Variants in MCC observed in about 807,000 individuals in gnomAD.
MCC encodes the protein MCC regulator of Wnt signaling pathway.
A neutral mutation model predicts 116.2 loss-of-function variants in MCC; 90 were observed. The ratio of observed to expected loss-of-function variants is 0.77; its 90% CI spans 0.65 to 0.92. The LOEUF is 0.92. Ranked by LOEUF, MCC falls within the 40% of genes least tolerant of loss-of-function variation. MCC has a pLI of 0.00. For missense variants in MCC, 1,516 were observed against 1,312.2 expected (o/e 1.16, Z -2.40); for synonymous variants, 578 against 510.5 (o/e 1.13, Z -1.78).
In MCC at chr5:113,325,030, G is replaced by A. The variant is rs76312255; in HGVS notation, c.627+15489C>T. On this transcript the variant is annotated intron_variant, in intron 3 of 18. Coordinates refer to ENST00000408903, the MANE Select transcript of MCC (RefSeq NM_001085377.2). The stretch of plus-strand genomic sequence containing the variant: ...AAAAAAAAAAATCTCAGTAAAGGCA[G>A]GGTCTCACTATGTTGCCCAGGCTGG... 5.8e-3 allele frequency among the ~76,000 whole-genome samples: 876 copies of A among 152,034 alleles called. 3 individuals are homozygous for A. Among genetic ancestry groups the A allele is most frequent in the Non-Finnish European group, 9.4e-3 (637 of 67,970 alleles).
intron 3 of MCC, among the ~76,000 whole-genome samples, chr5:113,196,926 A>G (rs1404790594): frequency 6.6e-6 from 1 of 152,188 alleles, no homozygotes; most frequent in East Asian, 1.9e-4. Flanking sequence ...AACCTCCACT[A>G]ATGGTCTTTG....
intron 1 of MCC, among the ~76,000 whole-genome samples, chr5:113,474,167 G>A (rs547809074): frequency 6.9e-4 from 105 of 152,250 alleles, no homozygotes; most frequent in Non-Finnish European, 1.1e-3. Flanking sequence ...TAAGAGTTGG[G>A]CACTGAGGTT....
chr5:113,206,432 G>A (rs896287796), intron 3 of MCC, among the ~76,000 whole-genome samples: 4 of 151,858 alleles, frequency 2.6e-5, no homozygotes, highest in African/African-American at 9.7e-5. Context: ...TAAATTTTTC[G>A]GGCCGGGCCC....
At chr5:113,113,783 G>T (rs1046256598) in intron 6 of MCC, among the ~76,000 whole-genome samples, 2 of 151,786 alleles carry the variant, frequency 1.3e-5, no homozygotes, top group East Asian at 3.9e-4. Context: ...AATGTCACAA[G>T]AGACAAAACA....
intron 9 of MCC, among the ~76,000 whole-genome samples, chr5:113,084,482 T>C (rs566955728): frequency 7.2e-5 from 11 of 152,338 alleles, no homozygotes; most frequent in African/African-American, 2.2e-4. Flanking sequence ...AGCACTCCAA[T>C]TGTGACCATC....
intron 5 of MCC, among the ~76,000 whole-genome samples, chr5:113,134,382 A>T (rs1440149703): frequency 6.6e-6 from 1 of 152,062 alleles, no homozygotes; most frequent in Non-Finnish European, 1.5e-5. Context: ...ATGACTGTAG[A>T]TGAGTAGATT....
intron 14 of MCC, among the ~76,000 whole-genome samples, chr5:113,063,308 A>G (rs1359368188): frequency 1.3e-5 from 2 of 152,220 alleles, no homozygotes; most frequent in African/African-American, 4.8e-5. Flanking sequence ...TCCCATCCAA[A>G]GAATGAAATG....
intron 5 of MCC, among the ~76,000 whole-genome samples, chr5:113,140,085 A>G (rs1471102705): frequency 1.3e-5 from 2 of 152,216 alleles, no homozygotes; most frequent in Non-Finnish European, 2.9e-5. Context: ...GTTTTATTAA[A>G]TGTAAATTAA....
chr5:113,186,801 C>A (rs1404744525), intron 3 of MCC, among the ~76,000 whole-genome samples: 4 of 152,100 alleles, frequency 2.6e-5, no homozygotes, highest in Admixed American at 2.6e-4. Flanking sequence ...TATTTCAGAG[C>A]AGTGGTTCTC....
chr5:113,407,272 C>A (rs753831636), intron 1 of MCC, among the ~76,000 whole-genome samples: 1 of 151,966 alleles, frequency 6.6e-6, no homozygotes, highest in Non-Finnish European at 1.5e-5. Flanking sequence ...CTCAAAGGAC[C>A]GACAGGAAAT....
chr5:113,226,603 T>C (rs17135463), intron 3 of MCC, among the ~76,000 whole-genome samples: 14,741 of 152,266 alleles, frequency 0.097, 1,182 homozygotes, highest in Admixed American at 0.25. Flanking sequence ...TTAACTACCA[T>C]TTTAGAAGAA....
At chr5:113,081,608 A>T (rs1561790907) in intron 11 of MCC, among the ~76,000 whole-genome samples, 2 of 152,200 alleles carry the variant, frequency 1.3e-5, no homozygotes, top group Non-Finnish European at 2.9e-5. Flanking sequence ...ATCTGACTTC[A>T]TTAAATTGCA....
chr5:113,327,561 A>AAAATATATATATATATATATAT (rs1480996383), intron 3 of MCC, among the ~76,000 whole-genome samples: 2 of 80,560 alleles, frequency 2.5e-5, no homozygotes, highest in African/African-American at 5.0e-5. Flanking sequence ...AAAAAAAAAA[A>AAAATATATATATATATATATAT]ATATATATAT....
intron 1 of MCC, among the ~76,000 whole-genome samples, chr5:113,470,805 T>C (rs1303422533): frequency 6.6e-6 from 1 of 151,860 alleles, no homozygotes; most frequent in Non-Finnish European, 1.5e-5. Flanking sequence ...TCCCTGTCAC[T>C]TTCAGGTATA....
At chr5:113,205,499 C>T (rs542123342) in intron 3 of MCC, among the ~76,000 whole-genome samples, 2 of 152,298 alleles carry the variant, frequency 1.3e-5, no homozygotes, top group South Asian at 2.1e-4. Context: ...CTCTTCTAGG[C>T]TGCATTTGTA....
rs949531513 is a variant in MCC at position 113,023,201 on chromosome 5, G to A, written c.*4101C>T. On this transcript the variant is annotated 3_prime_UTR_variant, in exon 19 of 19. Coordinates refer to ENST00000408903, the MANE Select transcript of MCC (RefSeq NM_001085377.2). ...GATGCTTCTGAAGGCCACAAGTTTG[G>A]AGCTTACTTTAACCTGACCTACATG... The A allele has an allele frequency of 2.6e-5, 4 of 152,218 alleles. No homozygotes were observed. The highest frequency in any genetic ancestry group is 9.7e-5 in the African/African-American group (4 of 41,444). The allele number at this position is 152,218 out of a possible 1,614,324, so 9.4% of individuals were successfully genotyped here.
chr5:113,294,075 G>C (rs1438567158), intron 3 of MCC, among the ~76,000 whole-genome samples: 1 of 152,174 alleles, frequency 6.6e-6, no homozygotes, highest in Non-Finnish European at 1.5e-5. Context: ...AACGCCTCGC[G>C]GCTTGGTGAG....
At chr5:113,129,193 G>T (rs1003186899) in intron 5 of MCC, among the ~76,000 whole-genome samples, 1 of 152,174 alleles carries the variant, frequency 6.6e-6, no homozygotes, top group African/African-American at 2.4e-5. Context: ...AGGTGTGAGA[G>T]AGAGAGTTTA....
At chr5:113,379,750 T>C (rs1306768332) in intron 2 of MCC, among the ~76,000 whole-genome samples, 1 of 152,224 alleles carries the variant, frequency 6.6e-6, no homozygotes, top group African/African-American at 2.4e-5. Context: ...ATGACGTGTT[T>C]GTTCAGGTGC....
Sources: gnomAD v4.1 joint callset for allele counts (sites outside exome capture counted in the v4.1 genomes callset) on GRCh38, gnomAD v4.1.1 for gene constraint, MANE v1.5 for transcripts, NCBI Gene and HGNC (gene_info 2026-07-23, HGNC 2026-07-21) for gene names.